DIAPH3: variants seen among roughly 807,000 people sequenced by gnomAD.
DIAPH3 encodes the protein protein diaphanous homolog 3.
In DIAPH3, 117 loss-of-function variants were observed where a neutral mutation model predicts 144.3. The ratio of observed to expected loss-of-function variants is 0.81; its 90% CI spans 0.70 to 0.95. The LOEUF (loss-of-function observed/expected upper bound fraction) is 0.95. Ranked by LOEUF, DIAPH3 falls within the 40% of genes least tolerant of loss-of-function variation. DIAPH3 has a pLI of 0.00. For synonymous variants in DIAPH3, 519 were observed against 488.9 expected (o/e 1.06, Z -0.81); for missense variants, 1,421 against 1,412.7 (o/e 1.01, Z -0.09).
chr13:60,157,604 C>G (rs1952092539), intron 1 of DIAPH3, among the ~76,000 whole-genome samples: 2 of 152,142 alleles, frequency 1.3e-5, no homozygotes, highest in Admixed American at 1.3e-4. Context: ...TCCATTGATT[C>G]CTTTTTCTTG....
intron 1 of DIAPH3, among the ~76,000 whole-genome samples, chr13:60,134,822 G>T (rs1018317212): frequency 6.6e-6 from 1 of 152,152 alleles, no homozygotes; most frequent in African/African-American, 2.4e-5. Context: ...ATTTAGGATG[G>T]TATGCCACAA....
intron 3 of DIAPH3, among the ~76,000 whole-genome samples, chr13:60,096,810 T>C (rs1011558897): frequency 6.6e-6 from 1 of 152,218 alleles, no homozygotes; most frequent in Non-Finnish European, 1.5e-5. Context: ...TCTCAGGCCT[T>C]AAAGCCACCT....
At chr13:59,969,080 T>G (rs1308368160) in intron 17 of DIAPH3, among the ~76,000 whole-genome samples, 1 of 152,172 alleles carries the variant, frequency 6.6e-6, no homozygotes, top group Non-Finnish European at 1.5e-5. Context: ...AATGTAAGTT[T>G]TATATAATAC....
chr13:59,997,105 T>C (rs2052243900), intron 9 of DIAPH3, among the ~76,000 whole-genome samples: 1 of 152,064 alleles, frequency 6.6e-6, no homozygotes, highest in African/African-American at 2.4e-5. Context: ...ACATATTTAT[T>C]TGGTCAGATA....
chr13:59,848,324 T>TTA (rs1555315118), intron 22 of DIAPH3, among the ~76,000 whole-genome samples: 1 of 149,074 alleles, frequency 6.7e-6, no homozygotes, highest in Non-Finnish European at 1.5e-5. Flanking sequence ...TTTTTTTTTT[T>TTA]AATTATTATA....
chr13:60,121,898 C>T (rs1594723711), intron 2 of DIAPH3, among the ~76,000 whole-genome samples: 2 of 151,616 alleles, frequency 1.3e-5, no homozygotes, highest in African/African-American at 4.9e-5. Context: ...TTCATCTTCT[C>T]TCTGTCTCTA....
chr13:59,858,046 A>G (rs1451600761), intron 22 of DIAPH3, among the ~76,000 whole-genome samples: 1 of 152,188 alleles, frequency 6.6e-6, no homozygotes. Flanking sequence ...TTGAGATGCT[A>G]TGGAAATAGC....
intron 17 of DIAPH3, among the ~76,000 whole-genome samples, chr13:59,944,796 G>GC (rs1025420790): frequency 1.3e-5 from 2 of 148,680 alleles, no homozygotes; most frequent in African/African-American, 2.5e-5. Flanking sequence ...AGAAAAAAAG[G>GC]GGGGGGGCTA....
At chr13:59,825,360 A>G (rs1304263657) in intron 24 of DIAPH3, among the ~76,000 whole-genome samples, 1 of 152,200 alleles carries the variant, frequency 6.6e-6, no homozygotes, top group Admixed American at 6.6e-5. Flanking sequence ...TACAAAGGAT[A>G]TGAACTCATC....
At chr13:59,839,184 C>G in intron 23 of DIAPH3, 140 bp downstream of exon 23, 2 of 922,166 alleles carry the variant, frequency 2.2e-6, no homozygotes, top group Admixed American at 2.1e-5. Flanking sequence ...ATAAATTTCC[C>G]TGCAAGAAGG....
At chr13:59,931,579 A>G (rs1030105176) in intron 17 of DIAPH3, among the ~76,000 whole-genome samples, 2 of 152,184 alleles carry the variant, frequency 1.3e-5, no homozygotes, top group Non-Finnish European at 2.9e-5. Context: ...GATTGTCACT[A>G]TATTCTTAGC....
At chr13:60,015,819 A>C in intron 7 of DIAPH3, 94 bp downstream of exon 7, 1 of 1,107,486 alleles carries the variant, frequency 9.0e-7, no homozygotes, top group Non-Finnish European at 1.4e-6. Flanking sequence ...GTACTAAAAA[A>C]CACATCAGAA....
chr13:59,837,071 A>G (rs1248311107), intron 23 of DIAPH3, among the ~76,000 whole-genome samples: 1 of 152,048 alleles, frequency 6.6e-6, no homozygotes, highest in Non-Finnish European at 1.5e-5. Flanking sequence ...GATGAAAAGC[A>G]AACGAGTGCA....
intron 27 of DIAPH3, among the ~76,000 whole-genome samples, chr13:59,759,315 C>G (rs1191111545): frequency 1.3e-5 from 2 of 152,092 alleles, no homozygotes; most frequent in Admixed American, 6.5e-5. Flanking sequence ...GGCACAGAAA[C>G]TACCACAAGG....
chr13:59,923,026 A>G (rs1389904862), intron 18 of DIAPH3, among the ~76,000 whole-genome samples: 1 of 152,164 alleles, frequency 6.6e-6, no homozygotes, highest in Non-Finnish European at 1.5e-5. Context: ...TGAAGATTAA[A>G]GGGCCAAATA....
intron 22 of DIAPH3, among the ~76,000 whole-genome samples, chr13:59,845,755 CT>C (rs1298014790): frequency 1.3e-5 from 2 of 152,338 alleles, no homozygotes; most frequent in East Asian, 3.9e-4. Context: ...AGTGCCCTTT[CT>C]CCCAATCACA....
intron 4 of DIAPH3, among the ~76,000 whole-genome samples, chr13:60,049,038 A>G (rs1434314061): frequency 6.6e-6 from 1 of 152,260 alleles, no homozygotes; most frequent in Non-Finnish European, 1.5e-5. Context: ...CCAAGTATTC[A>G]TCAACAAATT....
intron 2 of DIAPH3, among the ~76,000 whole-genome samples, chr13:60,131,802 C>A (rs1469332200): frequency 6.6e-6 from 1 of 152,094 alleles, no homozygotes; most frequent in Non-Finnish European, 1.5e-5. Flanking sequence ...ATAAAAATTG[C>A]AGATGGTTTA....
At chr13:59,946,722 CAA>C (rs1482763566) in intron 17 of DIAPH3, among the ~76,000 whole-genome samples, 5 of 152,042 alleles carry the variant, frequency 3.3e-5, no homozygotes, top group African/African-American at 1.2e-4. Flanking sequence ...CTTAAAATTG[CAA>C]AGTTATTCTT....
Sources: gnomAD v4.1 joint callset for allele counts (sites outside exome capture counted in the v4.1 genomes callset) on GRCh38, gnomAD v4.1.1 for gene constraint, MANE v1.5 for transcripts, NCBI Gene and HGNC (gene_info 2026-07-23, HGNC 2026-07-21) for gene names.